Variants in ACSS3 observed in about 807,000 individuals in gnomAD.
ACSS3 encodes acyl-CoA synthetase short-chain family member 3, mitochondrial.
A neutral mutation model predicts 84.2 loss-of-function variants in ACSS3; 64 were observed. That is an observed-to-expected ratio of 0.76 (90% confidence interval 0.62 to 0.94). The LOEUF (loss-of-function observed/expected upper bound fraction) is 0.94, where lower values mean the gene tolerates loss of function less well. Ranked by LOEUF, ACSS3 falls within the 40% of genes least tolerant of loss-of-function variation. ACSS3 has a pLI of 0.00. For synonymous variants in ACSS3, 317 were observed against 310.1 expected (o/e 1.02, Z -0.23); for missense variants, 815 against 867.6 (o/e 0.94, Z 0.76).
chr12:81,131,374 A>T (rs1885490345), intron 2 of ACSS3, among the ~76,000 whole-genome samples: 1 of 152,000 alleles, frequency 6.6e-6, no homozygotes, highest in African/African-American at 2.4e-5. Context: ...TAGGTATTTT[A>T]TTATCTTTGA....
intron 13 of ACSS3, among the ~76,000 whole-genome samples, chr12:81,240,020 C>CT (rs896993080): frequency 5.3e-5 from 8 of 151,786 alleles, no homozygotes; most frequent in Middle Eastern, 3.4e-3. Context: ...TGAGTGTGGA[C>CT]TTTTTTTTCT....
In ACSS3 at chr12:81,253,394, G is replaced by A; in HGVS notation, c.1807G>A (p.Val603Ile). 1 of 1,613,938 alleles carries A rather than the reference G, an allele frequency of 6.2e-7. No homozygotes were observed. The highest frequency in any genetic ancestry group is 8.5e-7 in the Non-Finnish European group (1 of 1,179,852). The change falls in exon 14 of 16, where the codon GTA becomes ATA. Residue 603 changes from valine (V) to isoleucine (I), a missense_variant. Transcript: ENST00000548058. ...AGGTCATGTCCCCTTAGCACTCTGT[G>A]TATTGAGAAAAGGTGAGAGATCTTT... is the stretch of plus-strand genomic sequence containing the variant. ...LKGHVPLALC[V>I]LRKDINATEE...
chr12:81,110,734 G>A (rs530118772), intron 2 of ACSS3, among the ~76,000 whole-genome samples: 14 of 152,268 alleles, frequency 9.2e-5, no homozygotes, highest in Middle Eastern at 3.4e-3. Flanking sequence ...TGACGTCTGC[G>A]CACATAGCTA....
intron 11 of ACSS3, 64 bp downstream of exon 11, chr12:81,220,140 A>G: frequency 9.5e-7 from 1 of 1,048,496 alleles, no homozygotes; most frequent in Non-Finnish European, 1.3e-6. Flanking sequence ...CTAAGAAAAA[A>G]TGGGGTCATT....
At chr12:81,155,534 A>C (rs956355215) in intron 7 of ACSS3, among the ~76,000 whole-genome samples, 2 of 152,156 alleles carry the variant, frequency 1.3e-5, no homozygotes, top group East Asian at 3.9e-4. Flanking sequence ...TGTTTCTGTT[A>C]ATGTTACCTC....
At chr12:81,084,300 G>A (rs1342192774) in intron 1 of ACSS3, among the ~76,000 whole-genome samples, 3 of 152,156 alleles carry the variant, frequency 2.0e-5, no homozygotes, top group Non-Finnish European at 4.4e-5. Flanking sequence ...GAGGGATATT[G>A]GGAAACATGG....
chr12:81,138,866 TTGAAAGGGATTTATACATTTCATACATA>T (rs1885942160), intron 3 of ACSS3, among the ~76,000 whole-genome samples: 3 of 152,138 alleles, frequency 2.0e-5, no homozygotes, highest in Admixed American at 2.0e-4. Context: ...AATGGATTAT[TTGAAAGGGATTTATACATTTCATACATA>T]TGAGTCAAAA....
In ACSS3 at chr12:81,225,908, C is replaced by T. The variant is rs2033258797; in HGVS notation, c.1515-5149C>T. Among the ~76,000 whole-genome samples the T allele has an allele frequency of 2.0e-5, 3 of 151,852 alleles. No homozygotes were observed. In the South Asian group the frequency reaches 6.2e-4, roughly 31 times the overall value. On this transcript the variant is annotated intron_variant, in intron 11 of 15. Coordinates refer to ENST00000548058, the MANE Select transcript of ACSS3 (RefSeq NM_024560.4). ...AATAATTCCTCTGGTGTTTTCTTCTCTACTGTTCAAATCTCCATCCTCTCT... is the reference window on the plus strand; with the variant it reads ...AATAATTCCTCTGGTGTTTTCTTCTTTACTGTTCAAATCTCCATCCTCTCT...
intron 1 of ACSS3, among the ~76,000 whole-genome samples, chr12:81,083,093 TTA>T (rs1881088747): frequency 6.6e-6 from 1 of 152,168 alleles, no homozygotes; most frequent in Non-Finnish European, 1.5e-5. Flanking sequence ...CCAAGTGTCC[TTA>T]GAGGATAGTT....
At chr12:81,237,788 T>C (rs2033674320) in intron 13 of ACSS3, among the ~76,000 whole-genome samples, 1 of 151,768 alleles carries the variant, frequency 6.6e-6, no homozygotes, top group Non-Finnish European at 1.5e-5. Flanking sequence ...TACAGTTTTA[T>C]ATCTTCTTTC....
intron 7 of ACSS3, among the ~76,000 whole-genome samples, chr12:81,170,261 G>A (rs1392218526): frequency 2.6e-5 from 4 of 152,074 alleles, no homozygotes; most frequent in Non-Finnish European, 5.9e-5. Context: ...ACAGTAACTG[G>A]TTTTCTGACT....
intron 1 of ACSS3, among the ~76,000 whole-genome samples, chr12:81,079,680 G>C (rs12369353): frequency 6.6e-6 from 1 of 151,870 alleles, no homozygotes; most frequent in African/African-American, 2.4e-5. Flanking sequence ...TCAACAATGA[G>C]TAAAACCTAG....
At chr12:81,148,554 C>T (rs1593128143) in intron 5 of ACSS3, among the ~76,000 whole-genome samples, 2 of 152,100 alleles carry the variant, frequency 1.3e-5, no homozygotes, top group South Asian at 2.1e-4. Context: ...ATATTGCTTC[C>T]ATTGCTATGT....
chr12:81,091,054 A>G (rs752069097), intron 1 of ACSS3, among the ~76,000 whole-genome samples: 2 of 152,000 alleles, frequency 1.3e-5, no homozygotes, highest in Non-Finnish European at 2.9e-5. Context: ...TAATTATTAT[A>G]TTGTTATTTA....
chr12:81,201,817 G>A (rs2032122141), intron 9 of ACSS3, among the ~76,000 whole-genome samples: 1 of 152,178 alleles, frequency 6.6e-6, no homozygotes, highest in Non-Finnish European at 1.5e-5. Flanking sequence ...TGGGTAGATA[G>A]GTAGCTAGTA....
chr12:81,102,314 T>C (rs1430190469), intron 1 of ACSS3, among the ~76,000 whole-genome samples: 1 of 152,140 alleles, frequency 6.6e-6, no homozygotes, highest in Non-Finnish European at 1.5e-5. Context: ...GCCTTGTTCC[T>C]GTTCCACAAG....
At chr12:81,221,274 A>G (rs1239160009) in intron 11 of ACSS3, among the ~76,000 whole-genome samples, 1 of 152,050 alleles carries the variant, frequency 6.6e-6, no homozygotes, top group Admixed American at 6.6e-5. Flanking sequence ...GATAGAGTTT[A>G]AGTAGTAGAA....
chr12:81,231,562 G>C (rs1031676925), intron 12 of ACSS3, among the ~76,000 whole-genome samples: 19 of 151,738 alleles, frequency 1.3e-4, no homozygotes, highest in African/African-American at 4.6e-4. Context: ...AATCCATTCA[G>C]CTTGCCCAGA....
intron 7 of ACSS3, 165 bp from the exon 8 acceptor site, chr12:81,174,623 T>C: frequency 1.6e-6 from 1 of 644,112 alleles, no homozygotes; most frequent in Non-Finnish European, 2.5e-6. Context: ...TATGCCTGGG[T>C]ATTTGGTTTG....
Sources: allele counts gnomAD v4.1 joint callset (sites outside exome capture counted in the v4.1 genomes callset), GRCh38; gene constraint gnomAD v4.1.1; transcripts MANE v1.5; gene names NCBI Gene and HGNC (gene_info 2026-07-23, HGNC 2026-07-21).